Variants in COMMD10 observed in about 807,000 individuals in gnomAD.
The protein encoded by COMMD10 is COMM domain-containing protein 10.
In COMMD10, 33 loss-of-function variants were observed where a neutral mutation model predicts 28.9. The observed-to-expected ratio is 1.14, with a 90% CI of 0.87 to 1.53. The LOEUF is 1.53. COMMD10 is among the 40% of genes most tolerant of loss of function. The pLI is 0.00. For missense variants in COMMD10, 310 were observed against 233.4 expected (o/e 1.33, Z -2.14); for synonymous variants, 110 against 81.7 (o/e 1.35, Z -1.87).
Position 116,133,509 on chromosome 5 carries a change from A to G in COMMD10, c.400-559A>G, listed in dbSNP as rs73253209. 8.0e-3 allele frequency among the ~76,000 whole-genome samples: 1,213 copies of G among 152,302 alleles called. 16 individuals carry two copies. Among genetic ancestry groups the G allele is most frequent in the African/African-American group, 0.027 (1,120 of 41,572 alleles). On this transcript the variant is annotated intron_variant, in intron 4 of 6. Transcript: ENST00000274458. ...AACACTTGCTGGGTAGTAGATATCA[A>G]TTCTCTGCCTGTTTCAATCTCATTG...
intron 4 of COMMD10, among the ~76,000 whole-genome samples, chr5:116,132,305 A>T (rs1478248974): frequency 6.6e-6 from 1 of 152,146 alleles, no homozygotes; most frequent in Non-Finnish European, 1.5e-5. Flanking sequence ...AAAAGTAGGT[A>T]GTTCAGATGG....
chr5:116,174,410 A>G (rs1057155362), intron 5 of COMMD10, among the ~76,000 whole-genome samples: 3 of 152,160 alleles, frequency 2.0e-5, no homozygotes, highest in African/African-American at 7.2e-5. Flanking sequence ...ATTTTCCTCA[A>G]AATGGAGGAT....
chr5:116,097,994 G>A (rs749040488), intron 4 of COMMD10, among the ~76,000 whole-genome samples: 2 of 152,134 alleles, frequency 1.3e-5, no homozygotes, highest in Non-Finnish European at 2.9e-5. Context: ...CATGAGATTT[G>A]TTGTGGTCAC....
chr5:116,286,537 C>A (rs1751222631), intron 5 of COMMD10, among the ~76,000 whole-genome samples: 1 of 151,400 alleles, frequency 6.6e-6, no homozygotes, highest in African/African-American at 2.4e-5. Flanking sequence ...TCACTCCATC[C>A]CAAAATTTTG....
chr5:116,277,389 A>G (rs193007296), intron 5 of COMMD10, among the ~76,000 whole-genome samples: 2 of 151,990 alleles, frequency 1.3e-5, no homozygotes, highest in Admixed American at 1.3e-4. Context: ...GGAAAAATGA[A>G]CTCCAGTTTT....
At chr5:116,223,053 A>G (rs1049314674) in intron 5 of COMMD10, among the ~76,000 whole-genome samples, 3 of 152,182 alleles carry the variant, frequency 2.0e-5, no homozygotes, top group Non-Finnish European at 2.9e-5. Flanking sequence ...TGGAGTATAT[A>G]AAATATGTCA....
intron 4 of COMMD10, among the ~76,000 whole-genome samples, chr5:116,120,206 C>T (rs556738419): frequency 2.0e-5 from 3 of 152,104 alleles, no homozygotes; most frequent in African/African-American, 7.2e-5. Flanking sequence ...TTTGCAGCAA[C>T]TTGGGTGACA....
intron 5 of COMMD10, among the ~76,000 whole-genome samples, chr5:116,283,739 T>C (rs1751139612): frequency 6.6e-6 from 1 of 151,794 alleles, no homozygotes; most frequent in African/African-American, 2.4e-5. Flanking sequence ...GCAGTATCCA[T>C]TGATACTGCT....
At chr5:116,188,389 C>T (rs1472102984) in intron 5 of COMMD10, 1 of 151,916 alleles carries the variant, frequency 6.6e-6, no homozygotes, top group Admixed American at 6.6e-5. Flanking sequence ...CTCTGTTCTC[C>T]CAACAATTGT....
chr5:116,257,975 A>G (rs373575524), intron 5 of COMMD10, among the ~76,000 whole-genome samples: 1 of 151,752 alleles, frequency 6.6e-6, no homozygotes, highest in East Asian at 1.9e-4. Context: ...AAGGCTAACT[A>G]TAATCATTTT....
chr5:116,087,183 A>G (rs1456441866), intron 1 of COMMD10, among the ~76,000 whole-genome samples: 1 of 152,126 alleles, frequency 6.6e-6, no homozygotes, highest in African/African-American at 2.4e-5. Context: ...TTTTGGGTTA[A>G]GTGTTTATAT....
intron 5 of COMMD10, among the ~76,000 whole-genome samples, chr5:116,267,298 C>T (rs1750613356): frequency 6.6e-6 from 1 of 151,826 alleles, no homozygotes; most frequent in Non-Finnish European, 1.5e-5. Context: ...TTCCTATACA[C>T]CAATAACAGA....
At chr5:116,291,210 A>G (rs570380055) in intron 5 of COMMD10, among the ~76,000 whole-genome samples, 1 of 152,324 alleles carries the variant, frequency 6.6e-6, no homozygotes, top group Admixed American at 6.5e-5. Flanking sequence ...ATGAAATATA[A>G]TCTCATGTAT....
At chr5:116,141,169 T>G (rs1752185245) in intron 5 of COMMD10, among the ~76,000 whole-genome samples, 1 of 151,828 alleles carries the variant, frequency 6.6e-6, no homozygotes, top group African/African-American at 2.4e-5. Flanking sequence ...CCAGCACCAT[T>G]TATTAAAGAG....
At chr5:116,151,424 A>G (rs545333145) in intron 5 of COMMD10, among the ~76,000 whole-genome samples, 1 of 152,194 alleles carries the variant, frequency 6.6e-6, no homozygotes, top group Admixed American at 6.6e-5. Flanking sequence ...GAATAGTTTC[A>G]GAAGGAGTGG....
rs144856643 is a variant in COMMD10, at chr5:116,190,041, C to T, written c.510+55863C>T. 1.1e-4 allele frequency among the ~76,000 whole-genome samples: 16 copies of T among 152,266 alleles called. No homozygotes were observed. In the East Asian group the frequency reaches 1.5e-3, roughly 15 times the overall value. On this transcript the variant is annotated intron_variant, in intron 5 of 6. Coordinates refer to ENST00000274458, the MANE Select transcript of COMMD10 (RefSeq NM_016144.4). ...GTGACCTATGCCTAAGCAATCAGCA[C>T]GCTTTATCTCCTTCAACACAGTGAT... is the stretch of plus-strand genomic sequence containing the variant.
chr5:116,104,315 T>G (rs763759252), intron 4 of COMMD10, among the ~76,000 whole-genome samples: 1 of 152,222 alleles, frequency 6.6e-6, no homozygotes, highest in African/African-American at 2.4e-5. Flanking sequence ...TGTCCTCTCT[T>G]ATTTTCTTGA....
intron 4 of COMMD10, among the ~76,000 whole-genome samples, chr5:116,114,682 C>G (rs1254327544): frequency 2.6e-5 from 4 of 152,192 alleles, no homozygotes; most frequent in African/African-American, 4.8e-5. Flanking sequence ...TGCTGAAGTA[C>G]TGCCATGATG....
intron 5 of COMMD10, among the ~76,000 whole-genome samples, chr5:116,150,992 G>C (rs1432637936): frequency 6.6e-6 from 1 of 151,620 alleles, no homozygotes; most frequent in East Asian, 1.9e-4. Flanking sequence ...ATTGGCTGTG[G>C]GTTTGTCATA....
Sources: gnomAD v4.1 joint callset for allele counts (sites outside exome capture counted in the v4.1 genomes callset) on GRCh38, gnomAD v4.1.1 for gene constraint, MANE v1.5 for transcripts, NCBI Gene and HGNC (gene_info 2026-07-23, HGNC 2026-07-21) for gene names.